The following CPO variants were observed in gnomAD, a reference collection of about 807,000 sequenced individuals.
The protein encoded by CPO is metallocarboxypeptidase C.
CPO carries 43 observed loss-of-function variants against 41.2 expected under a neutral mutation model. That is an observed-to-expected ratio of 1.04 (90% CI 0.82 to 1.35). The LOEUF is 1.35. Among genes scored for constraint, CPO ranks in the 40% most tolerant of loss-of-function variants. The pLI is 0.00. For missense variants in CPO, 408 were observed against 451.7 expected (o/e 0.90, Z 0.88); for synonymous variants, 178 against 162.7 (o/e 1.09, Z -0.72).
chr2:206,960,205 T>G (rs1693452175), intron 5 of CPO, among the ~76,000 whole-genome samples: 3 of 152,216 alleles, frequency 2.0e-5, no homozygotes, highest in African/African-American at 4.8e-5. Context: ...AGCAGACAAC[T>G]GTCTCTTTAA....
intron 3 of CPO, among the ~76,000 whole-genome samples, chr2:206,957,336 A>G (rs1693386834): frequency 6.6e-6 from 1 of 151,666 alleles, no homozygotes; most frequent in Non-Finnish European, 1.5e-5. Flanking sequence ...AGATCATGCC[A>G]CAGCACTCCA....
At chr2:206,944,521 T>A (rs1693105492) in intron 1 of CPO, among the ~76,000 whole-genome samples, 1 of 152,050 alleles carries the variant, frequency 6.6e-6, no homozygotes, top group East Asian at 1.9e-4. Context: ...GCTATTACAA[T>A]GTAAATAACA....
intron 2 of CPO, 98 bp downstream of exon 2, chr2:206,949,811 C>G: frequency 1.4e-6 from 1 of 706,370 alleles, no homozygotes; most frequent in East Asian, 2.8e-5. Flanking sequence ...ATTAGAGAGG[C>G]TGAAAATGTG....
At chr2:206,942,260 A>G (rs1289945569) in intron 1 of CPO, among the ~76,000 whole-genome samples, 1 of 152,122 alleles carries the variant, frequency 6.6e-6, no homozygotes, top group Admixed American at 6.6e-5. Context: ...TTTAAGAAAA[A>G]TAAATGCACA....
intron 7 of CPO, among the ~76,000 whole-genome samples, chr2:206,965,048 G>A (rs958441631): frequency 6.6e-6 from 1 of 152,122 alleles, no homozygotes; most frequent in African/African-American, 2.4e-5. Flanking sequence ...ACAGCAGGAG[G>A]GACCTGAGGC....
At chr2:206,956,401 AATC>A (rs200242515) in intron 3 of CPO, among the ~76,000 whole-genome samples, 4 of 148,536 alleles carry the variant, frequency 2.7e-5, no homozygotes, top group Non-Finnish European at 3.0e-5. Context: ...GCAGCACTTA[AATC>A]ATCATCATCA....
intron 7 of CPO, among the ~76,000 whole-genome samples, chr2:206,967,568 A>G (rs1317865791): frequency 6.6e-6 from 1 of 151,996 alleles, no homozygotes; most frequent in Admixed American, 6.6e-5. Context: ...GCAGGCAGAG[A>G]TAAGAGGTAG....
In CPO at chr2:206,969,406, C is replaced by T. The variant is rs1433648766; in HGVS notation, c.1095C>T (p.Gly365=). The T allele has an allele frequency of 2.5e-6, 4 of 1,614,064 alleles. No individual in the cohort carries two copies. Among genetic ancestry groups the T allele is most frequent in the Non-Finnish European group, 3.4e-6 (4 of 1,179,998 alleles). ...TGACATCTGCCACTATGCTGCTGGG[C>T]CTGCTGGTGTCCTGCATGTCTCTTC... is the stretch of plus-strand genomic sequence containing the variant. ...GRVTSATMLL[G]LLVSCMSLL Residue 365 remains glycine (G), a synonymous_variant, in exon 9 of 9, where the codon GGC becomes GGT. Coordinates refer to ENST00000272852, the MANE Select transcript of CPO (RefSeq NM_173077.3).
At chr2:206,939,692 C>A (rs1692994415) in intron 1 of CPO, 25 bp downstream of exon 1, 1 of 1,587,650 alleles carries the variant, frequency 6.3e-7, no homozygotes, top group Non-Finnish European at 8.6e-7. Flanking sequence ...GGAAGAGGAA[C>A]TGATTATTAT....
In CPO at chr2:206,969,426, C is replaced by G. The variant is rs1346980435; in HGVS notation, c.1115C>G (p.Ser372Cys). The change falls in exon 9 of 9, where the codon TCT becomes TGT. Residue 372 changes from serine (S) to cysteine (C), a missense_variant. Physicochemically the swap from Ser to Cys is moderately radical, Grantham distance 112. Coordinates refer to ENST00000272852, the MANE Select transcript of CPO (RefSeq NM_173077.3). Reference sequence around the variant, plus strand: ...CTGGGCCTGCTGGTGTCCTGCATGTCTCTTCTCTAAGTGCATTCTGCCCAG... The same window carrying G: ...CTGGGCCTGCTGGTGTCCTGCATGTGTCTTCTCTAAGTGCATTCTGCCCAG... Reference protein sequence around the residue: ...MLLGLLVSCMSLL With the variant: ...MLLGLLVSCMCLL The G allele has an allele frequency of 1.9e-6, 3 of 1,613,892 alleles. No homozygotes were observed. The highest frequency in any genetic ancestry group is 1.1e-5 in the South Asian group (1 of 91,068).
intron 2 of CPO, among the ~76,000 whole-genome samples, chr2:206,954,649 C>T (rs569975656): frequency 7.9e-5 from 12 of 152,260 alleles, no homozygotes; most frequent in Admixed American, 6.5e-4. Context: ...ATAGAAGCAC[C>T]GTACTCTACT....
chr2:206,954,650 G>A (rs370446084), intron 2 of CPO, among the ~76,000 whole-genome samples: 8 of 152,166 alleles, frequency 5.3e-5, no homozygotes, highest in Non-Finnish European at 1.0e-4. Context: ...TAGAAGCACC[G>A]TACTCTACTA....
chr2:206,944,545 ATCT>A lies in CPO; in HGVS notation c.68+4883_68+4885del, dbSNP rs1693105877. On this transcript the variant is annotated intron_variant, in intron 1 of 8. Transcript: ENST00000272852. ...ATGTAAATAACATTTATTTCTTTTA[ATCT>A]TCTTTTAAAATTCATTTTCATTGTT... Among the ~76,000 whole-genome samples the A allele has an allele frequency of 2.6e-5, 4 of 152,152 alleles. No homozygotes were observed. In the South Asian group the frequency reaches 6.2e-4, roughly 24 times the overall value.
chr2:206,945,571 A>G (rs1208603550), intron 1 of CPO, among the ~76,000 whole-genome samples: 1 of 152,198 alleles, frequency 6.6e-6, no homozygotes, highest in Non-Finnish European at 1.5e-5. Context: ...TCTTGGTCTC[A>G]GTTTCCTCAT....
intron 1 of CPO, among the ~76,000 whole-genome samples, chr2:206,944,180 T>G (rs1559068652): frequency 6.6e-6 from 1 of 152,038 alleles, no homozygotes; most frequent in Non-Finnish European, 1.5e-5. Flanking sequence ...CTTTGACCAG[T>G]GCCTAGCATG....
rs1434871708 is a variant in CPO, at chr2:206,968,331, G to A, written c.846G>A (p.Ser282=). 1.1e-5 allele frequency: 18 copies of A among 1,604,890 alleles called. No individual in the cohort carries two copies. The highest frequency in any genetic ancestry group is 4.5e-5 in the East Asian group (2 of 44,814). Residue 282 remains serine (S), a synonymous_variant, in exon 8 of 9, where the codon TCG becomes TCA. Transcript: ENST00000272852. ...ATGGAACCAATTATAGAGTTGGATC[G>A]AGTGCAGATATTTTATGTAAGTATC... ...AKYGTNYRVG[S]SADILYASSG...
chr2:206,943,718 GATGGATAGAT>G (rs1319962105), intron 1 of CPO, among the ~76,000 whole-genome samples: 1 of 63,052 alleles, frequency 1.6e-5, no homozygotes, highest in African/African-American at 6.2e-5. Flanking sequence ...ATAGATAGAT[GATGGATAGAT>G]GATAGATAGA....
intron 7 of CPO, among the ~76,000 whole-genome samples, chr2:206,966,219 G>A (rs1693573134): frequency 6.7e-6 from 1 of 148,500 alleles, no homozygotes; most frequent in Non-Finnish European, 1.5e-5. Context: ...AAAATTTGTT[G>A]TCTAGGGCAA....
At chr2:206,954,798 G>A (rs997827076) in intron 2 of CPO, among the ~76,000 whole-genome samples, 8 of 152,162 alleles carry the variant, frequency 5.3e-5, no homozygotes, top group Admixed American at 2.6e-4. Context: ...TACAATCATG[G>A]TGGAAGGGGA....
Sources: gnomAD v4.1 joint callset for allele counts (sites outside exome capture counted in the v4.1 genomes callset) on GRCh38, gnomAD v4.1.1 for gene constraint, MANE v1.5 for transcripts, NCBI Gene and HGNC (gene_info 2026-07-23, HGNC 2026-07-21) for gene names.